The following HERC1 variants were observed in gnomAD, a reference collection of about 807,000 sequenced individuals.
The protein encoded by HERC1 is probable E3 ubiquitin-protein ligase HERC1.
A neutral mutation model predicts 554.3 loss-of-function variants in HERC1; 160 were observed. The ratio of observed to expected loss-of-function variants is 0.29; its 90% confidence interval spans 0.25 to 0.33. The LOEUF (loss-of-function observed/expected upper bound fraction) is 0.33, where lower values mean the gene tolerates loss of function less well. HERC1 is among the 10% of genes least tolerant of loss of function. HERC1 has a pLI of 1.00. For synonymous variants in HERC1, 2,175 were observed against 2,131.7 expected, an observed-to-expected ratio of 1.02 and a Z score of -0.56; for missense variants, 4,919 against 5,918.5, an observed-to-expected ratio of 0.83 and a Z score of 5.54.
chr15:63,694,947 T>C lies in HERC1; in HGVS notation c.5122-53A>G. On this transcript the variant is annotated intron_variant, in intron 27 of 77. Transcript: ENST00000443617. This position sits in a 1 kb window ranked among gnomAD's most constrained non-coding sequence, Gnocchi z 4.3. The stretch of plus-strand genomic sequence containing the variant: ...TCTATTAGCAACAATAATACCTGCT[T>C]GCAAAAAGAAGTAATAACATTTTAT... 1 of 1,527,060 alleles carries C rather than the reference T, an allele frequency of 6.5e-7. No individual in the cohort carries two copies. The highest frequency in any genetic ancestry group is 8.9e-7 in the Non-Finnish European group (1 of 1,127,772). 94.6% of individuals were successfully genotyped at this position (1,527,060 alleles called of 1,614,324 possible).
At position 63,680,227 on chromosome 15, in the gene HERC1, C is replaced by T. The variant is rs2071409054; in HGVS notation, c.6466-67G>A. 1 of 1,197,124 alleles carries T rather than the reference C, an allele frequency of 8.4e-7. No individual in the cohort carries two copies. The highest frequency in any genetic ancestry group is 1.9e-5 in the Admixed American group (1 of 52,066). 74.2% of individuals were successfully genotyped at this position (1,197,124 alleles called of 1,614,324 possible). A position where few individuals can be genotyped will look rare whatever the true frequency, so the allele number is the denominator to read the frequency against. ...AATTTTTTTAATTCACAATATCTAA[C>T]CACATTAGAATTGAAAGCTTTTATG... On this transcript the variant is annotated intron_variant, in intron 35 of 77. Transcript: ENST00000443617. The surrounding 1 kb of genome is among the most constrained non-coding windows in gnomAD (Gnocchi z 5.8).
intron 46 of HERC1, among the ~76,000 whole-genome samples, chr15:63,660,523 C>A (rs1276960793): frequency 6.6e-6 from 1 of 152,014 alleles, no homozygotes; most frequent in Non-Finnish European, 1.5e-5. Flanking sequence ...AATGCTACAG[C>A]TGGTAATAGA....
intron 15 of HERC1, 34 bp from the exon 16 acceptor site, chr15:63,729,402 T>C (rs377540016): frequency 1.3e-4 from 202 of 1,593,306 alleles, no homozygotes; most frequent in Non-Finnish European, 1.6e-4. Flanking sequence ...ATTACTACTT[T>C]GAAAGATTCA....
intron 1 of HERC1, among the ~76,000 whole-genome samples, chr15:63,809,325 T>A (rs1031176425): frequency 6.6e-6 from 1 of 152,196 alleles, no homozygotes; most frequent in African/African-American, 2.4e-5. Flanking sequence ...TATGTGTTAA[T>A]TTTAATAAAG....
At chr15:63,699,205 G>C (rs919955883) in intron 25 of HERC1, among the ~76,000 whole-genome samples, 1 of 152,172 alleles carries the variant, frequency 6.6e-6, no homozygotes. Flanking sequence ...AGAAAATAAA[G>C]GGAAAGCCCT....
rs116393001 is a variant in HERC1, at chr15:63,647,998, T to C, written c.10878+71A>G. On this transcript the variant is annotated intron_variant, in intron 55 of 77. Transcript: ENST00000443617. ...ATCTTAAAATCTCTGACTTCTCCAC[T>C]GTGTAATCTATGCATGTAACAAAAT... 1,136 of 1,208,424 alleles carry C rather than the reference T, an allele frequency of 9.4e-4. 10 individuals are homozygous for C. The African/African-American group carries it at 0.015, about 16-fold the overall frequency. 74.9% of individuals were successfully genotyped at this position (1,208,424 alleles called of 1,614,324 possible).
chr15:63,826,814 A>AAAAAT (rs1567168622), intron 1 of HERC1, among the ~76,000 whole-genome samples: 1 of 22,242 alleles, frequency 4.5e-5, no homozygotes, highest in Non-Finnish European at 9.2e-5. Flanking sequence ...AAAAAAAAAA[A>AAAAAT]ATATATATAT....
At chr15:63,831,692 G>A (rs960962797) in intron 1 of HERC1, among the ~76,000 whole-genome samples, 2 of 151,738 alleles carry the variant, frequency 1.3e-5, no homozygotes, top group African/African-American at 4.8e-5. Context: ...TGACTTTTTT[G>A]GGGGAAAACA....
chr15:63,655,635 TAAGA>T, intron 50 of HERC1, 103 bp downstream of exon 50: 2 of 795,754 alleles, frequency 2.5e-6, no homozygotes, highest in Non-Finnish European at 3.9e-6. Context: ...GTTCTAAACT[TAAGA>T]AACTCACGTC....
At chr15:63,639,764 T>A (rs937841483) in intron 61 of HERC1, among the ~76,000 whole-genome samples, 19 of 152,204 alleles carry the variant, frequency 1.2e-4, no homozygotes, top group African/African-American at 3.9e-4. Context: ...TTGATGCTAA[T>A]TAAAGACATG....
At chr15:63,724,496 T>C (rs577472318) in intron 18 of HERC1, among the ~76,000 whole-genome samples, 1 of 152,356 alleles carries the variant, frequency 6.6e-6, no homozygotes, top group African/African-American at 2.4e-5. Context: ...ATAATCTTTC[T>C]CATTTTGTTT....
intron 1 of HERC1, among the ~76,000 whole-genome samples, chr15:63,829,474 A>T (rs1235102298): frequency 1.4e-4 from 5 of 36,046 alleles, no homozygotes; most frequent in African/African-American, 4.6e-4. Flanking sequence ...ATATATGTTT[A>T]TATAAATATA....
At chr15:63,717,580 G>A (rs948037164) in intron 21 of HERC1, among the ~76,000 whole-genome samples, 3 of 152,200 alleles carry the variant, frequency 2.0e-5, no homozygotes, top group Admixed American at 6.5e-5. Context: ...TCGGCCAGGT[G>A]AGGTGGCTCA....
In HERC1 at chr15:63,664,393, ATCT is replaced by A. The variant is rs1441016589; in HGVS notation, c.8680+74_8680+76del. 2.2e-6 allele frequency: 3 copies of A among 1,372,222 alleles called. No homozygotes were observed. In the East Asian group the frequency reaches 7.0e-5, roughly 32 times the overall value. 85.0% of individuals were successfully genotyped at this position (1,372,222 alleles called of 1,614,324 possible). On this transcript the variant is annotated intron_variant, in intron 43 of 77. Coordinates refer to ENST00000443617, the MANE Select transcript of HERC1 (RefSeq NM_003922.4). Reference sequence around the variant, plus strand: ...TGAGCACTTAGTATCATTAGTTTGAATCTTCTTTAATGTGCCTTTACATTGCTT... The same window carrying A: ...TGAGCACTTAGTATCATTAGTTTGAATCTTTAATGTGCCTTTACATTGCTT...
intron 1 of HERC1, among the ~76,000 whole-genome samples, chr15:63,778,180 C>A (rs10152515): frequency 0.22 from 34,068 of 152,112 alleles, 4,607 homozygotes; most frequent in Middle Eastern, 0.37. Context: ...AGGGTACATG[C>A]TTTCACCTCC....
chr15:63,725,475 G>A lies in HERC1; in HGVS notation c.3385C>T (p.Pro1129Ser). 1.2e-6 allele frequency: 2 copies of A among 1,613,886 alleles called. No individual in the cohort carries two copies. Among genetic ancestry groups the A allele is most frequent in the Non-Finnish European group, 1.7e-6 (2 of 1,179,874 alleles). The change falls in exon 18 of 78, where the codon CCT becomes TCT. Residue 1129 changes from proline to serine, a missense_variant. Around this residue, in one of 11 missense-constraint regions of HERC1, gnomAD observed 1,121 missense variants for 1,244.0 expected, o/e 0.90. Coordinates refer to ENST00000443617, the MANE Select transcript of HERC1 (RefSeq NM_003922.4). ...ELIDPAGLPL[P>S]QPAQSWVWLV... Reference sequence around the variant, plus strand: ...CATACCCAGGACTGAGCTGGCTGAGGTAATGGCAGACCAGCAGGATCAATT... The same window carrying A: ...CATACCCAGGACTGAGCTGGCTGAGATAATGGCAGACCAGCAGGATCAATT...
At chr15:63,820,521 T>A (rs2077650999) in intron 1 of HERC1, among the ~76,000 whole-genome samples, 3 of 152,214 alleles carry the variant, frequency 2.0e-5, no homozygotes, top group African/African-American at 7.2e-5. Flanking sequence ...GCTGCTTACT[T>A]GAATTATATC....
intron 1 of HERC1, among the ~76,000 whole-genome samples, chr15:63,786,239 C>T (rs11632919): frequency 0.47 from 68,324 of 145,454 alleles, 16,893 homozygotes; most frequent in Non-Finnish European, 0.55. Context: ...AGCCACTACA[C>T]GCCAGGCTAG....
At chr15:63,645,777 A>G (rs1472903529) in intron 55 of HERC1, 95 bp from the exon 56 acceptor site, 2 of 708,500 alleles carry the variant, frequency 2.8e-6, no homozygotes, top group East Asian at 2.8e-5. Flanking sequence ...CTTAGCATCT[A>G]TATTTCTATA....
Sources: allele counts gnomAD v4.1 joint callset (sites outside exome capture counted in the v4.1 genomes callset), GRCh38; gene constraint gnomAD v4.1.1; regional missense constraint gnomAD v4.1.1; non-coding constraint Gnocchi (gnomAD v3.1); transcripts MANE v1.5; gene names NCBI Gene and HGNC (gene_info 2026-07-23, HGNC 2026-07-21).